PSTK: variants seen among roughly 807,000 people sequenced by gnomAD.
PSTK encodes the protein phosphoseryl-tRNA kinase.
A neutral mutation model predicts 38.6 loss-of-function variants in PSTK; 26 were observed. The ratio of observed to expected loss-of-function variants is 0.67; its 90% CI spans 0.49 to 0.94. The LOEUF is 0.94. PSTK is among the 40% of genes least tolerant of loss of function. The pLI is 0.00. For missense variants in PSTK, 445 were observed against 436.3 expected (o/e 1.02, Z -0.18); for synonymous variants, 181 against 161.7 (o/e 1.12, Z -0.91).
chr10:122,982,668 G>A, intron 1 of PSTK, 65 bp from the exon 2 acceptor site: 1 of 1,417,574 alleles, frequency 7.1e-7, no homozygotes, highest in Non-Finnish European at 9.8e-7. Context: ...CAGGGTGGCA[G>A]TGAGGCCAGA....
chr10:122,982,605 T>C (rs1163718852), intron 1 of PSTK, 128 bp from the exon 2 acceptor site: 1 of 701,884 alleles, frequency 1.4e-6, no homozygotes, highest in African/African-American at 1.8e-5. Context: ...AAACCAGGTG[T>C]GTTAGAGAAC....
chr10:122,985,943 G>A (rs903588529), intron 3 of PSTK: 11 of 155,220 alleles, frequency 7.1e-5, no homozygotes, highest in African/African-American at 2.4e-4. Flanking sequence ...GATGTTGGCT[G>A]GGCATGGTGG....
At chr10:122,989,125 G>A (rs1849078727) in intron 5 of PSTK, among the ~76,000 whole-genome samples, 1 of 136,338 alleles carries the variant, frequency 7.3e-6, no homozygotes, top group African/African-American at 2.7e-5. Context: ...CATACGAAAT[G>A]TCCTGAACAG....
Position 122,980,716 on chromosome 10 carries a change from C to T in PSTK, c.216+21C>T, listed in dbSNP as rs752818605. On this transcript the variant is annotated intron_variant, in intron 1 of 5. Coordinates refer to ENST00000406217, the MANE Select transcript of PSTK (RefSeq NM_001363531.2). This position sits in a 1 kb window ranked among gnomAD's most constrained non-coding sequence, Gnocchi z 4.3. ...CGGCGGTCAGCACGGAGGGGCGGGG[C>T]CTGGGCCGCGGGGCGGGGCGGGGCG... 9.0e-5 allele frequency: 73 copies of T among 808,040 alleles called. No individual in the cohort carries two copies. The highest frequency in any genetic ancestry group is 5.0e-4 in the Middle Eastern group (1 of 1,992). 50.1% of individuals were successfully genotyped at this position (808,040 alleles called of 1,614,324 possible). A position where few individuals can be genotyped will look rare whatever the true frequency, so the allele number is the denominator to read the frequency against.
chr10:122,987,494 C>A (rs767372296), intron 5 of PSTK: 57 of 1,613,400 alleles, frequency 3.5e-5, no homozygotes, highest in Non-Finnish European at 4.7e-5. Flanking sequence ...GGCCATTGAG[C>A]ACGGGGTGAG....
At chr10:122,988,615 G>C (rs1849067297) in intron 5 of PSTK, among the ~76,000 whole-genome samples, 1 of 152,132 alleles carries the variant, frequency 6.6e-6, no homozygotes, top group African/African-American at 2.4e-5. Flanking sequence ...ATTTTTAAAA[G>C]GGCAAAGGAT....
Position 122,989,971 on chromosome 10 carries a change from C to G in PSTK, c.878-203C>G, listed in dbSNP as rs118138349. Among the ~76,000 whole-genome samples, 122 of 152,344 alleles carry G rather than the reference C, an allele frequency of 8.0e-4. No individual in the cohort carries two copies. The East Asian group carries it at 0.02, about 26-fold the overall frequency. On this transcript the variant is annotated intron_variant, in intron 5 of 5. Transcript: ENST00000406217. ...TCTTTTCTGCTCACACGTTTCCTAACAAGTTATTTAAATTCTTTGACGTGT... is the reference window on the plus strand; with the variant it reads ...TCTTTTCTGCTCACACGTTTCCTAAGAAGTTATTTAAATTCTTTGACGTGT...
Position 122,983,035 on chromosome 10 carries a change from C to CT in PSTK, c.508+20dup, listed in dbSNP as rs558435354. On this transcript the variant is annotated intron_variant, in intron 2 of 5. Transcript: ENST00000406217. ...AGCTGGCTCGGAAATGTAATTAAAACTTTTTTTTTCTTACACATGGAGATA... is the reference window on the plus strand; with the variant it reads ...AGCTGGCTCGGAAATGTAATTAAAACTTTTTTTTTTCTTACACATGGAGATA... 318 of 1,562,524 alleles carry CT rather than the reference C, an allele frequency of 2.0e-4. No homozygotes were observed. The highest frequency in any genetic ancestry group is 2.4e-4 in the Non-Finnish European group (274 of 1,143,814).
intron 4 of PSTK, 129 bp downstream of exon 4, chr10:122,986,504 C>G: frequency 1.4e-6 from 1 of 717,338 alleles, no homozygotes; most frequent in Non-Finnish European, 2.5e-6. Flanking sequence ...CTCACCAGCA[C>G]TCACTGCTGA....
chr10:122,986,228 C>CAA (rs544540038), intron 3 of PSTK, 72 bp from the exon 4 acceptor site: 5,272 of 599,242 alleles, frequency 8.8e-3, no homozygotes, highest in Middle Eastern at 0.01. Context: ...GACTCCATCT[C>CAA]AAAAAAAAAA....
Position 122,980,706 on chromosome 10 carries a change from AG to A in PSTK, c.216+15del. On this transcript the variant is annotated intron_variant, in intron 1 of 5. Coordinates refer to ENST00000406217, the MANE Select transcript of PSTK (RefSeq NM_001363531.2). This position sits in a 1 kb window ranked among gnomAD's most constrained non-coding sequence, Gnocchi z 4.3. ...AGAGCGCGACCGGCGGTCAGCACGGAGGGGCGGGGCCTGGGCCGCGGGGCGG... is the reference window on the plus strand; with the variant it reads ...AGAGCGCGACCGGCGGTCAGCACGGAGGGCGGGGCCTGGGCCGCGGGGCGG... 9.9e-7 allele frequency: 1 copy of A among 1,014,416 alleles called. No individual in the cohort carries two copies. The highest frequency in any genetic ancestry group is 1.2e-6 in the Non-Finnish European group (1 of 826,414). The allele number at this position is 1,014,416 out of a possible 1,614,324, so 62.8% of individuals were successfully genotyped here.
chr10:122,984,985 C>G (rs1428617517), intron 3 of PSTK: 1 of 152,210 alleles, frequency 6.6e-6, no homozygotes, highest in South Asian at 2.1e-4. Flanking sequence ...CGCACTCACT[C>G]CAGAACCTGG....
chr10:122,985,597 C>T (rs940135584), intron 3 of PSTK: 3 of 152,132 alleles, frequency 2.0e-5, no homozygotes, highest in African/African-American at 4.8e-5. Context: ...TTTGCTCATC[C>T]ATATCCAGTA....
At chr10:122,985,117 T>A (rs1849017422) in intron 3 of PSTK, 1 of 152,242 alleles carries the variant, frequency 6.6e-6, no homozygotes, top group African/African-American at 2.4e-5. Flanking sequence ...TTACCCTAAC[T>A]TAGGTGATCT....
At chr10:122,985,352 T>C (rs1398787231) in intron 3 of PSTK, 1 of 152,254 alleles carries the variant, frequency 6.6e-6, no homozygotes, top group African/African-American at 2.4e-5. Context: ...ATTGTCACTT[T>C]ATTGTCTTTG....
At chr10:122,983,815 A>G (rs1364111366) in intron 3 of PSTK, 1 of 251,370 alleles carries the variant, frequency 4.0e-6, no homozygotes, top group East Asian at 9.5e-5. Context: ...AAAGAGTGCA[A>G]CAGGTACTGG....
intron 5 of PSTK, among the ~76,000 whole-genome samples, chr10:122,987,900 C>T (rs894769428): frequency 2.0e-5 from 3 of 152,190 alleles, no homozygotes; most frequent in Admixed American, 2.0e-4. Flanking sequence ...GTCTGTGCTT[C>T]CCATTCTGCT....
At chr10:122,986,472 T>C in intron 4 of PSTK, 97 bp downstream of exon 4, 3 of 878,220 alleles carry the variant, frequency 3.4e-6, no homozygotes, top group South Asian at 1.4e-5. Context: ...AAACGGGAGA[T>C]GCGTTGTCAT....
chr10:122,988,993 T>C (rs1023317236), intron 5 of PSTK, among the ~76,000 whole-genome samples: 16 of 152,132 alleles, frequency 1.1e-4, no homozygotes, highest in Non-Finnish European at 1.8e-4. Flanking sequence ...CAACAAAATA[T>C]TATTCAGCCA....
Sources: gnomAD v4.1 joint callset for allele counts (sites outside exome capture counted in the v4.1 genomes callset) on GRCh38, gnomAD v4.1.1 for gene constraint, Gnocchi (gnomAD v3.1) non-coding constraint, MANE v1.5 for transcripts, NCBI Gene and HGNC (gene_info 2026-07-23, HGNC 2026-07-21) for gene names.